The following ZNF148 variants were observed in gnomAD, a reference collection of about 807,000 sequenced individuals.
The protein encoded by ZNF148 is zinc finger protein 148, also known as Beta-Enolase Repressor Factor-1.
ZNF148 carries 7 observed loss-of-function variants against 67.7 expected under a neutral mutation model. The ratio of observed to expected loss-of-function variants is 0.10; its 90% CI spans 0.06 to 0.19. ZNF148 has a LOEUF of 0.19. Ranked by LOEUF, ZNF148 falls within the 10% of genes least tolerant of loss-of-function variation. The pLI, the probability that ZNF148 is intolerant of heterozygous loss-of-function variation, is 1.00. For missense variants in ZNF148, 583 were observed against 947.1 expected, an observed-to-expected ratio of 0.62 and a Z score of 5.05; for synonymous variants, 333 against 330.7, an observed-to-expected ratio of 1.01 and a Z score of -0.08.
chr3:125,348,921 A>T (rs1942042316), intron 1 of ZNF148, among the ~76,000 whole-genome samples: 2 of 152,242 alleles, frequency 1.3e-5, no homozygotes, highest in Non-Finnish European at 2.9e-5. Context: ...GAAAGCCCAG[A>T]AATAAACCCA....
intron 1 of ZNF148, chr3:125,344,280 G>T: frequency 4.7e-6 from 2 of 428,114 alleles, no homozygotes; most frequent in South Asian, 4.9e-5. Context: ...ACACGAAAGA[G>T]AATGAAGTGA....
At chr3:125,318,644 C>T (rs1303865544) in intron 3 of ZNF148, among the ~76,000 whole-genome samples, 1 of 152,138 alleles carries the variant, frequency 6.6e-6, no homozygotes, top group African/African-American at 2.4e-5. Context: ...GCAGCTGACA[C>T]CACAGAGTAC....
chr3:125,241,007 C>T (rs1242830083), intron 7 of ZNF148, among the ~76,000 whole-genome samples: 3 of 151,584 alleles, frequency 2.0e-5, no homozygotes, highest in Admixed American at 2.0e-4. Flanking sequence ...TCCTTTAGTA[C>T]ATATTTCCTT....
chr3:125,330,157 A>G (rs975853091), intron 2 of ZNF148, among the ~76,000 whole-genome samples: 30 of 152,190 alleles, frequency 2.0e-4, no homozygotes, highest in Admixed American at 1.0e-3. Flanking sequence ...AATAATTTCA[A>G]TCCACAAGGT....
chr3:125,375,001 C>G (rs1051635283), intron 1 of ZNF148, 101 bp downstream of exon 1: 3 of 151,760 alleles, frequency 2.0e-5, no homozygotes, highest in South Asian at 2.1e-4. Context: ...CTCGCTCCCC[C>G]CGGGGTCAGG....
intron 4 of ZNF148, among the ~76,000 whole-genome samples, chr3:125,295,512 T>C (rs1375372171): frequency 1.3e-5 from 2 of 151,594 alleles, no homozygotes; most frequent in African/African-American, 4.8e-5. Context: ...AGACTTGGAT[T>C]TCAATACTAT....
Position 125,233,387 on chromosome 3 carries a change from C to T in ZNF148, c.1339G>A (p.Val447Ile), listed in dbSNP as rs748363156. 1.9e-6 allele frequency: 3 copies of T among 1,613,966 alleles called. No individual in the cohort carries two copies. Among genetic ancestry groups the T allele is most frequent in the Non-Finnish European group, 2.5e-6 (3 of 1,179,932 alleles). ...CTGGGCCCCTCCTGCAAATTATCAA[C>T]CTGATCAATGTCAGCATTGCCTTCT... ...DSEGNADIDQ[V>I]DNLQEGPSKP... is the part of the protein sequence containing the mutation. Residue 447 changes from valine (V) to isoleucine (I), a missense_variant, in exon 9 of 9, where the codon GTT becomes ATT. Around this residue, in one of 5 missense-constraint regions of ZNF148, gnomAD observed 172 missense variants for 307.7 expected, o/e 0.56. Coordinates refer to ENST00000360647, the MANE Select transcript of ZNF148 (RefSeq NM_021964.3). The surrounding 1 kb of genome is among the most constrained non-coding windows in gnomAD (Gnocchi z 5.1).
At chr3:125,305,972 G>A (rs975290847) in intron 4 of ZNF148, among the ~76,000 whole-genome samples, 45 of 151,432 alleles carry the variant, frequency 3.0e-4, no homozygotes, top group African/African-American at 1.0e-3. Flanking sequence ...AATTTAAAAG[G>A]GCAGAAATCA....
At chr3:125,327,533 T>C (rs1299765856) in intron 2 of ZNF148, among the ~76,000 whole-genome samples, 2 of 152,194 alleles carry the variant, frequency 1.3e-5, no homozygotes, top group East Asian at 1.9e-4. Context: ...AAAAATATGT[T>C]GTCTGAGCCG....
At chr3:125,357,514 G>A (rs1942396370) in intron 1 of ZNF148, among the ~76,000 whole-genome samples, 1 of 152,136 alleles carries the variant, frequency 6.6e-6, no homozygotes, top group Non-Finnish European at 1.5e-5. Context: ...GCCCAGCCAC[G>A]GGCCAAGAGC....
intron 7 of ZNF148, among the ~76,000 whole-genome samples, chr3:125,256,573 G>A (rs1192143970): frequency 6.6e-6 from 1 of 152,150 alleles, no homozygotes; most frequent in African/African-American, 2.4e-5. Context: ...CTACTCGGGA[G>A]GCTCAGGCAG....
rs1399006648 is a variant in ZNF148 at position 125,225,731 on chromosome 3, T to A, written c.*6610A>T. On this transcript the variant is annotated 3_prime_UTR_variant, in exon 9 of 9. Transcript: ENST00000360647. Reference sequence around the variant, plus strand: ...TTTAGAAGATTGGAGAAGTATCATGTAGAATATCTCCCCTCCCCTCTCCCC... The same window carrying A: ...TTTAGAAGATTGGAGAAGTATCATGAAGAATATCTCCCCTCCCCTCTCCCC... The A allele has an allele frequency of 6.6e-6, 1 of 152,196 alleles. No individual in the cohort carries two copies. The highest frequency in any genetic ancestry group is 1.5e-5 in the Non-Finnish European group (1 of 68,024). 9.4% of individuals were successfully genotyped at this position (152,196 alleles called of 1,614,324 possible). A position where few individuals can be genotyped will look rare whatever the true frequency, so the allele number is the denominator to read the frequency against.
chr3:125,234,734 C>T (rs556991578), intron 7 of ZNF148, among the ~76,000 whole-genome samples: 1 of 152,150 alleles, frequency 6.6e-6, no homozygotes, highest in Admixed American at 6.5e-5. Context: ...TAACTCAATT[C>T]CTTTTTTAAA....
At chr3:125,324,099 T>C (rs1332984254) in intron 2 of ZNF148, among the ~76,000 whole-genome samples, 1 of 152,012 alleles carries the variant, frequency 6.6e-6, no homozygotes, top group Non-Finnish European at 1.5e-5. Flanking sequence ...ACTTACAGGG[T>C]GCAGTGCACC....
rs1241341014 is a variant in ZNF148, at chr3:125,357,747, A to G, written c.-234+17355T>C. The G allele has an allele frequency of 1.3e-5, 2 of 152,248 alleles. 1 individual carries two copies. The highest frequency in any genetic ancestry group is 6.3e-3 in the Middle Eastern group (2 of 318). 9.4% of individuals were successfully genotyped at this position (152,248 alleles called of 1,614,324 possible). A position where few individuals can be genotyped will look rare whatever the true frequency, so the allele number is the denominator to read the frequency against. ...GTCAATATCCTCACCTCTACAAACC[A>G]AGGCCTGTTTAAGCCCCTTTCCTTA... On this transcript the variant is annotated intron_variant, in intron 1 of 8. Transcript: ENST00000360647.
At chr3:125,373,351 A>G (rs1029179897) in intron 1 of ZNF148, among the ~76,000 whole-genome samples, 1 of 151,270 alleles carries the variant, frequency 6.6e-6, no homozygotes, top group Non-Finnish European at 1.5e-5. Context: ...TCGGCCTCCC[A>G]AAGTGCTGGG....
chr3:125,245,592 G>T (rs956630120), intron 7 of ZNF148, among the ~76,000 whole-genome samples: 1 of 152,232 alleles, frequency 6.6e-6, no homozygotes, highest in South Asian at 2.1e-4. Flanking sequence ...CTGCACAAAT[G>T]AGAGAACTGT....
rs1941278915 is a variant in ZNF148, at chr3:125,331,258, C to T, written c.-233-20G>A. 1.0e-5 allele frequency: 4 copies of T among 398,490 alleles called. No homozygotes were observed. The East Asian group carries it at 1.4e-4, about 14-fold the overall frequency. The allele number at this position is 398,490 out of a possible 1,614,324, so 24.7% of individuals were successfully genotyped here. ...TCTATCCTACAAAAGTACACAAATA[C>T]AGGTTAACCCCCAAAAGAATCAGGA... On this transcript the variant is annotated intron_variant, in intron 1 of 8. Coordinates refer to ENST00000360647, the MANE Select transcript of ZNF148 (RefSeq NM_021964.3).
chr3:125,310,414 T>C (rs1940139077), intron 4 of ZNF148, among the ~76,000 whole-genome samples: 1 of 152,016 alleles, frequency 6.6e-6, no homozygotes, highest in Non-Finnish European at 1.5e-5. Flanking sequence ...TTAAAATATA[T>C]TGAACTAAAT....
Sources: allele counts gnomAD v4.1 joint callset (sites outside exome capture counted in the v4.1 genomes callset), GRCh38; gene constraint gnomAD v4.1.1; regional missense constraint gnomAD v4.1.1; non-coding constraint Gnocchi (gnomAD v3.1); transcripts MANE v1.5; gene names NCBI Gene and HGNC (gene_info 2026-07-23, HGNC 2026-07-21).